The following ARRDC5 variants were observed in gnomAD, a reference collection of about 807,000 sequenced individuals.
ARRDC5 encodes arrestin domain containing 5, also known as arrestin domain-containing protein 5.
Under a neutral mutation model 13.3 loss-of-function variants are expected in ARRDC5, and 12 were observed. The observed-to-expected ratio is 0.90, with a 90% CI of 0.58 to 1.46. The LOEUF is 1.46. Ranked by LOEUF, ARRDC5 falls within the 40% of genes most tolerant of loss-of-function variation. The probability of loss-of-function intolerance (pLI) is 0.00; values close to 1 mark genes in which losing one functional copy is unlikely to be tolerated. For synonymous variants in ARRDC5, 181 were observed against 173.4 expected (o/e 1.04, Z -0.34); for missense variants, 406 against 418.7 (o/e 0.97, Z 0.26).
In ARRDC5 at chr19:4,899,060, A is replaced by ACTT. The variant is rs1409597161; in HGVS notation, c.254-2185_254-2184insAAG. Among the ~76,000 whole-genome samples the ACTT allele has an allele frequency of 6.6e-5, 10 of 152,162 alleles. No homozygotes were observed. In the East Asian group the frequency reaches 1.4e-3, roughly 21 times the overall value. ...CATGGTGGCTCACACTTGTCATCCC[A>ACTT]GCACTTTGGGAGGCCGAGGCGGGCA... On this transcript the variant is annotated intron_variant, in intron 1 of 2. Coordinates refer to ENST00000650722, the MANE Select transcript of ARRDC5 (RefSeq NM_001080523.3).
At chr19:4,911,612 G>A in the ARRDC5 span, among the ~76,000 whole-genome samples, 18 of 152,164 alleles carry the variant, frequency 1.2e-4, no homozygotes, top group African/African-American at 4.1e-4. Flanking sequence ...TGTGGTCCCC[G>A]AGGGGTCCAC....
chr19:4,912,264 G>A, the ARRDC5 span, among the ~76,000 whole-genome samples: 2 of 152,178 alleles, frequency 1.3e-5, no homozygotes, highest in Non-Finnish European at 1.5e-5. Context: ...TCCGCCTGGC[G>A]CTCTCTTCCT....
chr19:4,911,244 G>A, the ARRDC5 span, among the ~76,000 whole-genome samples: 2 of 152,138 alleles, frequency 1.3e-5, no homozygotes, highest in African/African-American at 2.4e-5. Context: ...TTGACACGCT[G>A]GGCTGGCGGC....
chr19:4,891,436 G>A lies in ARRDC5; in HGVS notation c.597C>T (p.Asn199=). ...EKVVFTTEIN[N]QTSKCIKTVV... The stretch of plus-strand genomic sequence containing the variant: ...CCGTCTTGATGCATTTGCTGGTCTG[G>A]TTGTTGATCTCTGTTGTGAAGACGA... Residue 199 remains asparagine (N), a synonymous_variant, in exon 3 of 3, where the codon AAC becomes AAT. Transcript: ENST00000650722. 1 of 1,613,522 alleles carries A rather than the reference G, an allele frequency of 6.2e-7. No individual in the cohort carries two copies. Among genetic ancestry groups the A allele is most frequent in the South Asian group, 1.1e-5 (1 of 91,092 alleles).
intron 2 of ARRDC5, among the ~76,000 whole-genome samples, chr19:4,896,323 A>T (rs1311954153): frequency 9.2e-4 from 66 of 72,038 alleles, no homozygotes; most frequent in African/African-American, 3.6e-3. Flanking sequence ...CAAAAAAAAA[A>T]AAAAAAATAT....
the ARRDC5 span, among the ~76,000 whole-genome samples, chr19:4,912,822 C>T: frequency 4.6e-5 from 7 of 152,196 alleles, no homozygotes; most frequent in Non-Finnish European, 8.8e-5. Context: ...TGCAGTGGCA[C>T]GATCACAGCT....
chr19:4,894,510 CAAAAA>C (rs575777769), intron 2 of ARRDC5, among the ~76,000 whole-genome samples: 10,813 of 27,034 alleles, frequency 0.4, 1,808 homozygotes, highest in South Asian at 0.61. Context: ...GACTCCGTCT[CAAAAA>C]AAAAAAAAAA....
At chr19:4,912,625 C>T in the ARRDC5 span, among the ~76,000 whole-genome samples, 1 of 152,192 alleles carries the variant, frequency 6.6e-6, no homozygotes, top group African/African-American at 2.4e-5. Context: ...GTCTTTCTCT[C>T]TGCCCGCCAA....
upstream of ARRDC5, among the ~76,000 whole-genome samples, chr19:4,904,808 C>A (rs1445754766): frequency 6.6e-6 from 1 of 152,164 alleles, no homozygotes; most frequent in Non-Finnish European, 1.5e-5. Context: ...GAGAATGTAT[C>A]ATTTTGCAAA....
the ARRDC5 span, among the ~76,000 whole-genome samples, chr19:4,916,658 T>C: frequency 6.7e-6 from 1 of 148,720 alleles, no homozygotes; most frequent in Non-Finnish European, 1.5e-5. Flanking sequence ...CGCCCCCTCT[T>C]GTGGGTTCTG....
At chr19:4,912,145 G>C in the ARRDC5 span, among the ~76,000 whole-genome samples, 1 of 152,148 alleles carries the variant, frequency 6.6e-6, no homozygotes, top group Non-Finnish European at 1.5e-5. Context: ...TTAAGAATCT[G>C]AGTTAACCCG....
chr19:4,908,611 G>A, the ARRDC5 span, among the ~76,000 whole-genome samples: 3 of 152,210 alleles, frequency 2.0e-5, no homozygotes, highest in South Asian at 4.1e-4. Context: ...CAGCTCAAAT[G>A]TCATCTTCTC....
At chr19:4,898,126 C>T (rs1474650816) in intron 1 of ARRDC5, among the ~76,000 whole-genome samples, 1 of 152,012 alleles carries the variant, frequency 6.6e-6, no homozygotes, top group African/African-American at 2.4e-5. Context: ...GTATGTGAGG[C>T]AGAGAAAACT....
chr19:4,911,611 C>T, the ARRDC5 span, among the ~76,000 whole-genome samples: 14 of 152,296 alleles, frequency 9.2e-5, no homozygotes, highest in South Asian at 2.1e-4. Context: ...GTGTGGTCCC[C>T]GAGGGGTCCA....
chr19:4,899,435 A>T (rs1219659226), intron 1 of ARRDC5, among the ~76,000 whole-genome samples: 1 of 151,432 alleles, frequency 6.6e-6, no homozygotes, highest in African/African-American at 2.4e-5. Flanking sequence ...GTTTGAGACC[A>T]GCCTGGCCAA....
chr19:4,909,317 G>GC, the ARRDC5 span: 26 of 556,172 alleles, frequency 4.7e-5, no homozygotes, highest in Non-Finnish European at 7.9e-5. Flanking sequence ...AGCAGAGCGC[G>GC]CAGGGCTGGG....
chr19:4,893,112 A>G (rs984655810), intron 2 of ARRDC5, among the ~76,000 whole-genome samples: 5 of 142,130 alleles, frequency 3.5e-5, no homozygotes, highest in Admixed American at 2.3e-4. Context: ...AAAAATAAAT[A>G]TATATATTAT....
At chr19:4,909,862 G>A in the ARRDC5 span, 1 of 382,652 alleles carries the variant, frequency 2.6e-6, no homozygotes, top group East Asian at 3.8e-5. Flanking sequence ...TGCGTCCCCG[G>A]AGCCCGGCGG....
chr19:4,901,009 T>C (rs144889341), intron 1 of ARRDC5, among the ~76,000 whole-genome samples: 1 of 147,756 alleles, frequency 6.8e-6, no homozygotes, highest in Non-Finnish European at 1.5e-5. Context: ...ACGAGTGAGA[T>C]TCAGTCTCAA....
Sources: allele counts gnomAD v4.1 joint callset (sites outside exome capture counted in the v4.1 genomes callset), GRCh38; gene constraint gnomAD v4.1.1; transcripts MANE v1.5; gene names NCBI Gene and HGNC (gene_info 2026-07-23, HGNC 2026-07-21).